Variants in MACF1 observed in about 807,000 individuals in gnomAD.
MACF1 encodes the protein microtubule-actin cross-linking factor 1.
A neutral mutation model predicts 854.8 loss-of-function variants in MACF1; 193 were observed. That is an observed-to-expected ratio of 0.23 (90% confidence interval 0.20 to 0.25). The LOEUF is 0.25. Ranked by LOEUF, MACF1 falls within the 10% of genes least tolerant of loss-of-function variation. The probability of loss-of-function intolerance (pLI) is 1.00; values close to 1 mark genes in which losing one functional copy is unlikely to be tolerated. For missense variants in MACF1, 7,722 were observed against 8,929.1 expected, an observed-to-expected ratio of 0.86 and a Z score of 5.45; for synonymous variants, 3,185 against 3,226.7, an observed-to-expected ratio of 0.99 and a Z score of 0.44.
chr1:39,250,667 C>T lies in MACF1; in HGVS notation c.261+564C>T, dbSNP rs151059372. On this transcript the variant is annotated intron_variant, in intron 3 of 100. Coordinates refer to ENST00000564288, the MANE Select transcript of MACF1 (RefSeq NM_001394062.1). ...GCTGCCAAAGTTGTCTGAGCATAGC[C>T]TTGGATATAGAACATCTGGGCTCCT... Among the ~76,000 whole-genome samples the T allele has an allele frequency of 1.6e-4, 24 of 152,224 alleles. No homozygotes were observed. The East Asian group carries it at 3.5e-3, about 22-fold the overall frequency.
At chr1:39,372,832 T>G in intron 52 of MACF1, 1 of 413,066 alleles carries the variant, frequency 2.4e-6, no homozygotes, top group Non-Finnish European at 4.4e-6. Flanking sequence ...GTTGTCCCAC[T>G]TAGAACTATC....
chr1:39,370,207 C>G, intron 51 of MACF1, 21 bp downstream of exon 51: 1 of 1,592,002 alleles, frequency 6.3e-7, no homozygotes, highest in Non-Finnish European at 8.6e-7. Flanking sequence ...AAAGGGACTC[C>G]AAGAATTGGG....
chr1:39,171,670 A>G (rs1184382226), intron 2 of MACF1, among the ~76,000 whole-genome samples: 4 of 152,146 alleles, frequency 2.6e-5, no homozygotes, highest in East Asian at 1.9e-4. Context: ...CTGTCGCCCA[A>G]GCTGGAGTGC....
rs12094686 is a variant in MACF1, at chr1:39,231,704, T to A, written c.171+461T>A. ...TTATAAGCCTGTTTCTTTTTTTTTT[T>A]AATTTATTAATTTATTTTAAAATAG... On this transcript the variant is annotated intron_variant, in intron 2 of 100. Coordinates refer to ENST00000564288, the MANE Select transcript of MACF1 (RefSeq NM_001394062.1). Among the ~76,000 whole-genome samples, 633 of 151,996 alleles carry A rather than the reference T, an allele frequency of 4.2e-3. 4 individuals are homozygous for A. Among genetic ancestry groups the A allele is most frequent in the African/African-American group, 0.014 (601 of 41,470 alleles).
chr1:39,383,605 C>G (rs1040204794), intron 56 of MACF1, among the ~76,000 whole-genome samples: 1 of 152,146 alleles, frequency 6.6e-6, no homozygotes, highest in Non-Finnish European at 1.5e-5. Flanking sequence ...TGGCCGGGCA[C>G]GGTGGCTCAT....
rs993185138 is a variant in MACF1 at position 39,088,162 on chromosome 1, C to T, written c.220+3724C>T. Among the ~76,000 whole-genome samples, 18 of 151,996 alleles carry T rather than the reference C, an allele frequency of 1.2e-4. 1 individual carries two copies. The highest frequency in any genetic ancestry group is 4.2e-4 in the South Asian group (2 of 4,816). On this transcript the variant is annotated intron_variant, in intron 2 of 93. Transcript: ENST00000361689. The stretch of plus-strand genomic sequence containing the variant: ...TAATTTTTTGTATTTTTAGTAGAGA[C>T]GGGGTTTCACCATGTTAGCCAGGAT...
chr1:39,303,928 A>T (rs1009392469), intron 23 of MACF1, among the ~76,000 whole-genome samples: 1 of 150,872 alleles, frequency 6.6e-6, no homozygotes, highest in Non-Finnish European at 1.5e-5. Flanking sequence ...TCATTAGTTT[A>T]TTATAAAAGA....
chr1:39,346,713 G>A (rs1046913867), intron 40 of MACF1, among the ~76,000 whole-genome samples: 7 of 151,978 alleles, frequency 4.6e-5, no homozygotes, highest in African/African-American at 1.7e-4. Context: ...TAGAGACGGG[G>A]TTTCACCGTG....
chr1:39,381,372 T>G (rs1484039958), intron 55 of MACF1, among the ~76,000 whole-genome samples: 8 of 143,564 alleles, frequency 5.6e-5, no homozygotes, highest in African/African-American at 2.0e-4. Flanking sequence ...TTTTTTTTTT[T>G]TTTTTTGGGG....
chr1:39,100,906 GCA>G (rs1482307215), intron 2 of MACF1, among the ~76,000 whole-genome samples: 12 of 121,186 alleles, frequency 9.9e-5, no homozygotes, highest in African/African-American at 2.5e-4. Context: ...ATATACAAAT[GCA>G]CGCGCGCGTG....
rs767102316 is a variant in MACF1, at chr1:39,358,802, G to A, written c.12049G>A (p.Val4017Met). 1.9e-5 allele frequency: 31 copies of A among 1,613,722 alleles called. No individual in the cohort carries two copies. The highest frequency in any genetic ancestry group is 1.9e-4 in the South Asian group (17 of 91,080). Residue 4017 changes from valine (V) to methionine (M), a missense_variant, in exon 46 of 101, where the codon GTG becomes ATG. Around this residue, in one of 15 missense-constraint regions of MACF1, gnomAD observed 2,807 missense variants for 3,235.8 expected, o/e 0.87. Coordinates refer to ENST00000564288, the MANE Select transcript of MACF1 (RefSeq NM_001394062.1). ...CTGGATGCAGGCTTGTGAGGCCAACGTGGAGAAGCTCCTCTCAGATACTGT... is the reference window on the plus strand; with the variant it reads ...CTGGATGCAGGCTTGTGAGGCCAACATGGAGAAGCTCCTCTCAGATACTGT... Reference protein sequence around the residue: ...QAWMQACEANVEKLLSDTVAS... With the variant: ...QAWMQACEANMEKLLSDTVAS...
chr1:39,326,409 G>C (rs544616690), intron 35 of MACF1, among the ~76,000 whole-genome samples: 1 of 152,114 alleles, frequency 6.6e-6, no homozygotes, highest in African/African-American at 2.4e-5. Context: ...GGCCAGGTGC[G>C]GTGGCTCACG....
At chr1:39,194,239 T>C (rs1432128493) in intron 2 of MACF1, among the ~76,000 whole-genome samples, 1 of 152,160 alleles carries the variant, frequency 6.6e-6, no homozygotes, top group Non-Finnish European at 1.5e-5. Context: ...AGACCTTCAG[T>C]TGCTGAGCTT....
chr1:39,144,546 C>T (rs1321065917), intron 2 of MACF1, among the ~76,000 whole-genome samples: 1 of 152,216 alleles, frequency 6.6e-6, no homozygotes, highest in Non-Finnish European at 1.5e-5. Flanking sequence ...CACCCTGCCA[C>T]TCTCTCATTG....
intron 2 of MACF1, among the ~76,000 whole-genome samples, chr1:39,127,850 TA>T (rs549522388): frequency 1.9e-4 from 28 of 147,852 alleles, no homozygotes; most frequent in Admixed American, 4.7e-4. Context: ...GTAAGTTACT[TA>T]AAAAAAAAAA....
chr1:39,203,946 C>G (rs553072031), upstream of MACF1, among the ~76,000 whole-genome samples: 6 of 152,094 alleles, frequency 3.9e-5, no homozygotes, highest in South Asian at 1.2e-3. Context: ...TTCTCTTTTT[C>G]TTGGATAGAT....
At chr1:39,111,629 C>G (rs541662046) in intron 2 of MACF1, among the ~76,000 whole-genome samples, 38 of 152,246 alleles carry the variant, frequency 2.5e-4, no homozygotes, top group African/African-American at 8.9e-4. Flanking sequence ...GATCTGCCCG[C>G]CTCGGCCTCC....
chr1:39,425,230 T>C (rs1643686567), intron 61 of MACF1, among the ~76,000 whole-genome samples: 1 of 152,160 alleles, frequency 6.6e-6, no homozygotes, highest in Admixed American at 6.6e-5. Flanking sequence ...ACAGTGTCTT[T>C]CCTGTCCATC....
intron 2 of MACF1, among the ~76,000 whole-genome samples, chr1:39,233,637 T>C (rs1354343743): frequency 1.3e-5 from 2 of 152,122 alleles, no homozygotes; most frequent in African/African-American, 4.8e-5. Context: ...TAGTGGGTAC[T>C]GCAGGTGAGC....
Sources: allele counts gnomAD v4.1 joint callset (sites outside exome capture counted in the v4.1 genomes callset), GRCh38; gene constraint gnomAD v4.1.1; regional missense constraint gnomAD v4.1.1; transcripts MANE v1.5; gene names NCBI Gene and HGNC (gene_info 2026-07-23, HGNC 2026-07-21).